The following DST variants were observed in gnomAD, a reference collection of about 807,000 sequenced individuals.
DST encodes the protein bullous pemphigoid antigen.
Under a neutral mutation model 875.2 loss-of-function variants are expected in DST, and 253 were observed. The observed-to-expected ratio is 0.29, with a 90% CI of 0.26 to 0.32. The LOEUF is 0.32. Among genes scored for constraint, DST ranks in the 10% least tolerant of loss-of-function variants. The pLI, the probability that DST is intolerant of heterozygous loss-of-function variation, is 1.00. For synonymous variants in DST, 3,124 were observed against 3,197.1 expected, an observed-to-expected ratio of 0.98 and a Z score of 0.77; for missense variants, 8,287 against 9,111.6, an observed-to-expected ratio of 0.91 and a Z score of 3.68.
chr6:56,937,601 T>A (rs1813699880), intron 2 of DST, among the ~76,000 whole-genome samples: 1 of 152,154 alleles, frequency 6.6e-6, no homozygotes, highest in Non-Finnish European at 1.5e-5. Context: ...AACTGGAGAA[T>A]TTCTTTAAAA....
intron 3 of DST, among the ~76,000 whole-genome samples, chr6:56,875,966 C>T (rs1310279852): frequency 1.3e-5 from 2 of 152,108 alleles, no homozygotes; most frequent in African/African-American, 2.4e-5. Flanking sequence ...TAACTCCTCA[C>T]GAAAGTGCCA....
At chr6:56,638,405 G>A (rs892182940) in intron 22 of DST, among the ~76,000 whole-genome samples, 2 of 152,060 alleles carry the variant, frequency 1.3e-5, no homozygotes, top group Admixed American at 6.6e-5. Flanking sequence ...ACTTCCTGAT[G>A]AGCCTAGAAT....
At chr6:56,595,092 G>C (rs950201612) in intron 47 of DST, among the ~76,000 whole-genome samples, 1 of 152,166 alleles carries the variant, frequency 6.6e-6, no homozygotes, top group South Asian at 2.1e-4. Flanking sequence ...TGGCAAAAAG[G>C]ATACTAATCC....
intron 8 of DST, among the ~76,000 whole-genome samples, chr6:56,700,873 T>G (rs1246493501): frequency 6.6e-5 from 10 of 152,074 alleles, no homozygotes. Flanking sequence ...GAGGATTTAC[T>G]AGTATTTAAT....
chr6:56,687,185 A>G (rs137862934), intron 9 of DST, among the ~76,000 whole-genome samples: 300 of 152,366 alleles, frequency 2.0e-3, no homozygotes, highest in Middle Eastern at 0.01. Flanking sequence ...GTTTACATAC[A>G]AAAACGTTAA....
At chr6:56,569,595 GA>G (rs1353586222) in intron 54 of DST, among the ~76,000 whole-genome samples, 1 of 152,116 alleles carries the variant, frequency 6.6e-6, no homozygotes, top group Non-Finnish European at 1.5e-5. Context: ...GATTTGGTAG[GA>G]AAGGAAACTT....
chr6:56,843,889 C>T (rs1297742855), intron 4 of DST: 1 of 180,102 alleles, frequency 5.6e-6, no homozygotes, highest in Non-Finnish European at 1.1e-5. Context: ...CCAGGCCCGC[C>T]CACCCTGGTG....
chr6:56,598,579 T>C lies in DST; in HGVS notation c.11825A>G (p.Asn3942Ser). 2 of 1,612,686 alleles carry C rather than the reference T, an allele frequency of 1.2e-6. No individual in the cohort carries two copies. The highest frequency in any genetic ancestry group is 1.7e-6 in the Non-Finnish European group (2 of 1,179,136). ...CTGTTCACACTTTATCTTAGCTTCA[T>C]TAAGTTTCTGTTCAATCAAAGCCTT... is the stretch of plus-strand genomic sequence containing the variant. ...EDKALIEQKLNEAKIKCEQLN... is the reference protein window; with the variant it reads ...EDKALIEQKLSEAKIKCEQLN... Residue 3942 changes from asparagine to serine, a missense_variant, in exon 46 of 104, where the codon AAT becomes AGT. Physicochemically the swap from Asn to Ser is conservative, Grantham distance 46. This residue lies in a region of DST where 1,513 missense variants were observed against 1,677.8 expected (regional missense o/e 0.90). Coordinates refer to ENST00000680361, the MANE Select transcript of DST (RefSeq NM_001374736.1).
rs1265459215 is a variant in DST, at chr6:56,557,409, C to G, written c.14550G>C (p.Gln4850His). The G allele has an allele frequency of 6.2e-7, 1 of 1,613,618 alleles. No homozygotes were observed. Among genetic ancestry groups the G allele is most frequent in the Non-Finnish European group, 8.5e-7 (1 of 1,179,714 alleles). The stretch of plus-strand genomic sequence containing the variant: ...CCATAAGTTCTTTTTCCACAAGCCA[C>G]TGTTTCAATTGGGCCTCTACAGTCT... ...QFQTVEAQLKQWLVEKELMVS... is the reference protein window; with the variant it reads ...QFQTVEAQLKHWLVEKELMVS... The change falls in exon 59 of 104, where the codon CAG (glutamine) becomes CAC (histidine). Residue 4850 changes from glutamine to histidine, a missense_variant. Physicochemically the swap from Gln to His is conservative, Grantham distance 24. Around this residue, in one of 10 missense-constraint regions of DST, gnomAD observed 1,513 missense variants for 1,677.8 expected, o/e 0.90. Coordinates refer to ENST00000680361, the MANE Select transcript of DST (RefSeq NM_001374736.1).
At chr6:56,536,161 A>G (rs936210890) in intron 62 of DST, among the ~76,000 whole-genome samples, 1 of 152,210 alleles carries the variant, frequency 6.6e-6, no homozygotes, top group African/African-American at 2.4e-5. Flanking sequence ...CTGCCATCGT[A>G]TGTCAGCATT....
intron 36 of DST, among the ~76,000 whole-genome samples, chr6:56,621,877 T>C (rs184507736): frequency 6.6e-6 from 1 of 152,328 alleles, no homozygotes; most frequent in Admixed American, 6.5e-5. Context: ...TTACAGACCA[T>C]ACATCTTATT....
chr6:56,647,688 G>GTTGTTTTTTTTTTTTTTTTTTTTT (rs1491402943), intron 13 of DST, among the ~76,000 whole-genome samples: 12 of 126,900 alleles, frequency 9.5e-5, no homozygotes, highest in African/African-American at 3.8e-4. Flanking sequence ...TTTTTGTAAT[G>GTTGTTTTTTTTTTTTTTTTTTTTT]TTTTTTTTTT....
At chr6:56,611,158 C>G (rs751238772) in intron 38 of DST, among the ~76,000 whole-genome samples, 1 of 152,022 alleles carries the variant, frequency 6.6e-6, no homozygotes, top group Non-Finnish European at 1.5e-5. Context: ...AAAATGAAGA[C>G]CATATTTATA....
intron 30 of DST, among the ~76,000 whole-genome samples, chr6:56,630,686 A>G (rs1307180082): frequency 6.6e-6 from 1 of 152,194 alleles, no homozygotes; most frequent in Non-Finnish European, 1.5e-5. Flanking sequence ...CCCAAATTAC[A>G]TGCAAAATGT....
intron 2 of DST, among the ~76,000 whole-genome samples, chr6:56,947,539 C>T (rs1045599976): frequency 3.9e-5 from 6 of 152,232 alleles, no homozygotes; most frequent in African/African-American, 7.2e-5. Flanking sequence ...TGAGCCACCA[C>T]GCCCAGCCTG....
chr6:56,836,633 G>T (rs1216193031), intron 4 of DST, among the ~76,000 whole-genome samples: 1 of 151,806 alleles, frequency 6.6e-6, no homozygotes, highest in East Asian at 1.9e-4. Context: ...GGCGGATCAC[G>T]AGGTCAGGAG....
chr6:56,469,413 G>A (rs1162907985), intron 97 of DST, among the ~76,000 whole-genome samples: 1 of 151,716 alleles, frequency 6.6e-6, no homozygotes, highest in Non-Finnish European at 1.5e-5. Flanking sequence ...TTTGAAGAGA[G>A]TGAACCGAGT....
At chr6:56,686,867 A>G (rs570010192) in intron 9 of DST, among the ~76,000 whole-genome samples, 99 of 152,228 alleles carry the variant, frequency 6.5e-4, no homozygotes, top group Non-Finnish European at 1.2e-3. Context: ...AGCACTTTAC[A>G]GTCTCCTAAG....
At chr6:56,496,342 C>A (rs942564855) in intron 82 of DST, among the ~76,000 whole-genome samples, 1 of 152,054 alleles carries the variant, frequency 6.6e-6, no homozygotes. Flanking sequence ...GTCACATGAT[C>A]TAGGTAGGAA....
Sources: gnomAD v4.1 joint callset for allele counts (sites outside exome capture counted in the v4.1 genomes callset) on GRCh38, gnomAD v4.1.1 for gene constraint, gnomAD v4.1.1 regional missense constraint, MANE v1.5 for transcripts, NCBI Gene and HGNC (gene_info 2026-07-23, HGNC 2026-07-21) for gene names.